The following TTLL4 variants were observed in gnomAD, a reference collection of about 807,000 sequenced individuals.
TTLL4 encodes tubulin tyrosine ligase like 4, also known as tubulin monoglutamylase TTLL4.
In TTLL4, 85 loss-of-function variants were observed where a neutral mutation model predicts 122.7. That is an observed-to-expected ratio of 0.69 (90% CI 0.58 to 0.83). The LOEUF is 0.83. Ranked by LOEUF, TTLL4 falls within the 40% of genes least tolerant of loss-of-function variation. The probability of loss-of-function intolerance (pLI) is 0.00; values close to 1 mark genes in which losing one functional copy is unlikely to be tolerated. For missense variants in TTLL4, 1,363 were observed against 1,488.6 expected (o/e 0.92, Z 1.39); for synonymous variants, 553 against 563.0 (o/e 0.98, Z 0.25).
chr2:218,740,029 T>C, intron 3 of TTLL4, 29 bp from the exon 4 acceptor site: 1 of 1,603,026 alleles, frequency 6.2e-7, no homozygotes, highest in Non-Finnish European at 8.5e-7. Context: ...TGGAGTTGAC[T>C]AGGCTGGGGG....
intron 14 of TTLL4, among the ~76,000 whole-genome samples, chr2:218,749,605 C>G (rs774031199): frequency 6.6e-6 from 1 of 152,010 alleles, no homozygotes; most frequent in Non-Finnish European, 1.5e-5. Flanking sequence ...GTAGCTGGGA[C>G]TACAGGCATG....
At chr2:218,725,307 TCTC>T (rs1412909000) in intron 1 of TTLL4, among the ~76,000 whole-genome samples, 1 of 152,014 alleles carries the variant, frequency 6.6e-6, no homozygotes, top group Non-Finnish European at 1.5e-5. Context: ...ACAGCCTCCA[TCTC>T]CTGGGCTCAA....
In TTLL4 at chr2:218,748,838, C is replaced by CACTGAA; in HGVS notation, c.2505_2510dup (p.Leu836_Lys837dup). On this transcript the variant is annotated inframe_insertion, in exon 13 of 20. Coordinates refer to ENST00000392102, the MANE Select transcript of TTLL4 (RefSeq NM_014640.5). ...TACTTCCTCTTCCTCCTCTGCAGGG[C>CACTGAA]ACTGAAGGCTTTGTGGAACTACCTG... 1 of 1,614,022 alleles carries CACTGAA rather than the reference C, an allele frequency of 6.2e-7. No individual in the cohort carries two copies. The highest frequency in any genetic ancestry group is 8.5e-7 in the Non-Finnish European group (1 of 1,179,900).
At position 218,747,338 on chromosome 2, in the gene TTLL4, C is replaced by T; in HGVS notation, c.2215C>T (p.Gln739Ter). Residue 739 changes from glutamine (Q) to a stop codon, truncating the protein, a stop_gained, in exon 10 of 20, where the codon CAG becomes TAG. Coordinates refer to ENST00000392102, the MANE Select transcript of TTLL4 (RefSeq NM_014640.5). LOFTEE classifies it high-confidence loss of function. This position sits in a 1 kb window ranked among gnomAD's most constrained non-coding sequence, Gnocchi z 4.7. ...IGIQVIHKWSQLPKRRPLLVQ... is the reference protein window; with the variant it reads ...IGIQVIHKWS ...CATCCAGGTTATTCACAAGTGGAGT[C>T]AGCTCCCCAAGCGAAGGCCCCTCCT... The T allele has an allele frequency of 6.2e-7, 1 of 1,614,210 alleles. No individual in the cohort carries two copies. Among genetic ancestry groups the T allele is most frequent in the Non-Finnish European group, 8.5e-7 (1 of 1,180,044 alleles).
intron 2 of TTLL4, among the ~76,000 whole-genome samples, chr2:218,732,378 T>G (rs1196563368): frequency 6.6e-6 from 1 of 152,212 alleles, no homozygotes; most frequent in African/African-American, 2.4e-5. Flanking sequence ...AGTCTGCCTT[T>G]TGGATCCTAG....
chr2:218,758,607 C>T (rs1453080596), downstream of TTLL4, among the ~76,000 whole-genome samples: 1 of 152,100 alleles, frequency 6.6e-6, no homozygotes, highest in Non-Finnish European at 1.5e-5. Context: ...GATTAAAGCC[C>T]CCATCATTAG....
chr2:218,741,893 C>G (rs1657632808), intron 5 of TTLL4, among the ~76,000 whole-genome samples: 1 of 152,180 alleles, frequency 6.6e-6, no homozygotes, highest in African/African-American at 2.4e-5. Flanking sequence ...AATTAATTAA[C>G]TTCTACAAAT....
intron 1 of TTLL4, among the ~76,000 whole-genome samples, chr2:218,722,154 C>T (rs1377565742): frequency 3.3e-5 from 5 of 152,030 alleles, no homozygotes; most frequent in Non-Finnish European, 7.4e-5. Flanking sequence ...CGGTGGAACA[C>T]ACCAGTAGTT....
Position 218,746,015 on chromosome 2 carries a change from A to G in TTLL4, c.1898-140A>G, listed in dbSNP as rs1559371354. On this transcript the variant is annotated intron_variant, in intron 7 of 19. Transcript: ENST00000392102. Reference sequence around the variant, plus strand: ...GGGCCATTGTTCTGTCCCTGGCCCCAGGGCCTCATGTAGGACAGCTCCATA... The same window carrying G: ...GGGCCATTGTTCTGTCCCTGGCCCCGGGGCCTCATGTAGGACAGCTCCATA... 6 of 1,014,996 alleles carry G rather than the reference A, an allele frequency of 5.9e-6. No individual in the cohort carries two copies. In the East Asian group the frequency reaches 1.4e-4, roughly 24 times the overall value. 62.9% of individuals were successfully genotyped at this position (1,014,996 alleles called of 1,614,324 possible). A position where few individuals can be genotyped will look rare whatever the true frequency, so the allele number is the denominator to read the frequency against.
intron 2 of TTLL4, among the ~76,000 whole-genome samples, chr2:218,727,588 T>C (rs1942232326): frequency 6.6e-6 from 1 of 152,068 alleles, no homozygotes; most frequent in African/African-American, 2.4e-5. Flanking sequence ...ATAAAAAAAT[T>C]AGCTGGGCAT....
Position 218,753,128 on chromosome 2 carries a change from C to G in TTLL4, c.3201C>G (p.Leu1067=). ...ATCTTGTCCTAGGAGTAGATCTGCT[C>G]CGGAGTTGGTGCTACAAAGGGTTCC... ...HGNKLKGVDL[L]RSWCYKGFHM... Residue 1067 remains leucine, a synonymous_variant, in exon 18 of 20, where the codon CTC becomes CTG. Coordinates refer to ENST00000392102, the MANE Select transcript of TTLL4 (RefSeq NM_014640.5). 6.2e-7 allele frequency: 1 copy of G among 1,614,040 alleles called. No individual in the cohort carries two copies. The highest frequency in any genetic ancestry group is 8.5e-7 in the Non-Finnish European group (1 of 1,179,996).
At position 218,753,177 on chromosome 2, in the gene TTLL4, G is replaced by A; in HGVS notation, c.3250G>A (p.Ala1084Thr). ...CCACATGGGAGTTGTCTCTGATTCTGCTCCAGTGGTGAGTGCTGCCAGTGT... is the reference window on the plus strand; with the variant it reads ...CCACATGGGAGTTGTCTCTGATTCTACTCCAGTGGTGAGTGCTGCCAGTGT... ...GFHMGVVSDS[A>T]PVWSLPTSLL... Residue 1084 changes from alanine (A) to threonine (T), a missense_variant, in exon 18 of 20, where the codon GCT becomes ACT. Around this residue, in one of 3 missense-constraint regions of TTLL4, gnomAD observed 596 missense variants for 655.8 expected, o/e 0.91. Coordinates refer to ENST00000392102, the MANE Select transcript of TTLL4 (RefSeq NM_014640.5). 6.2e-7 allele frequency: 1 copy of A among 1,614,194 alleles called. No individual in the cohort carries two copies. The highest frequency in any genetic ancestry group is 8.5e-7 in the Non-Finnish European group (1 of 1,180,034).
intron 15 of TTLL4, among the ~76,000 whole-genome samples, chr2:218,750,701 C>G (rs1942993395): frequency 6.6e-6 from 1 of 152,184 alleles, no homozygotes; most frequent in South Asian, 2.1e-4. Flanking sequence ...TTGGTCCAGT[C>G]TCCTCTCTGA....
intron 5 of TTLL4, among the ~76,000 whole-genome samples, chr2:218,742,910 G>A (rs973438770): frequency 2.6e-5 from 4 of 152,062 alleles, no homozygotes; most frequent in African/African-American, 9.7e-5. Context: ...ATGAGTTGAA[G>A]TCAGGAGTTT....
intron 1 of TTLL4, among the ~76,000 whole-genome samples, chr2:218,726,440 C>T (rs1160278854): frequency 1.3e-5 from 2 of 152,134 alleles, no homozygotes; most frequent in Non-Finnish European, 2.9e-5. Flanking sequence ...ATATGTATCT[C>T]TCTCAAGTTT....
intron 15 of TTLL4, 162 bp from the exon 16 acceptor site, chr2:218,751,541 TG>T: frequency 1.1e-6 from 1 of 898,792 alleles, no homozygotes; most frequent in Non-Finnish European, 1.3e-6. Context: ...AGGTTACTTC[TG>T]GGGAGTGCAT....
intron 2 of TTLL4, among the ~76,000 whole-genome samples, chr2:218,732,556 G>A (rs1452039298): frequency 1.3e-5 from 2 of 152,166 alleles, no homozygotes; most frequent in Admixed American, 6.5e-5. Context: ...TGTCGGTAGG[G>A]TCTGGGTGCC....
intron 2 of TTLL4, among the ~76,000 whole-genome samples, chr2:218,730,684 T>A (rs1942356710): frequency 6.6e-6 from 1 of 152,226 alleles, no homozygotes; most frequent in African/African-American, 2.4e-5. Flanking sequence ...TCCTTACTTT[T>A]TGGCAGCACA....
At chr2:218,723,686 A>G (rs1391832774) in intron 1 of TTLL4, among the ~76,000 whole-genome samples, 1 of 152,226 alleles carries the variant, frequency 6.6e-6, no homozygotes, top group Non-Finnish European at 1.5e-5. Flanking sequence ...GGGCCTCATC[A>G]TAAGATGCAA....
Sources: gnomAD v4.1 joint callset for allele counts (sites outside exome capture counted in the v4.1 genomes callset) on GRCh38, gnomAD v4.1.1 for gene constraint, gnomAD v4.1.1 regional missense constraint, Gnocchi (gnomAD v3.1) non-coding constraint, MANE v1.5 for transcripts, NCBI Gene and HGNC (gene_info 2026-07-23, HGNC 2026-07-21) for gene names.